The following TMEM87A variants were observed in gnomAD, a reference collection of about 807,000 sequenced individuals.
TMEM87A encodes the protein Golgi-pH regulating cation channel.
In TMEM87A, 50 loss-of-function variants were observed where a neutral mutation model predicts 90.0. That is an observed-to-expected ratio of 0.56 (90% CI 0.44 to 0.70). The LOEUF (loss-of-function observed/expected upper bound fraction) is 0.70, where lower values mean the gene tolerates loss of function less well. TMEM87A is among the 30% of genes least tolerant of loss of function. TMEM87A has a pLI of 0.00. For synonymous variants in TMEM87A, 226 were observed against 226.7 expected, an observed-to-expected ratio of 1.00 and a Z score of 0.03; for missense variants, 577 against 660.5, an observed-to-expected ratio of 0.87 and a Z score of 1.39.
chr15:42,242,914 G>A (rs1164880662), intron 7 of TMEM87A, among the ~76,000 whole-genome samples: 1 of 152,050 alleles, frequency 6.6e-6, no homozygotes, highest in Non-Finnish European at 1.5e-5. Context: ...AGTAAAGTCA[G>A]GAGCGAAGTA....
At chr15:42,223,104 C>A (rs2050524902) in intron 15 of TMEM87A, among the ~76,000 whole-genome samples, 1 of 152,118 alleles carries the variant, frequency 6.6e-6, no homozygotes, top group African/African-American at 2.4e-5. Context: ...GAAATTCCTA[C>A]AAATTGGGCC....
Position 42,241,747 on chromosome 15 carries a change from C to T in TMEM87A, c.623-2016G>A, listed in dbSNP as rs569349369. Among the ~76,000 whole-genome samples, 30 of 152,032 alleles carry T rather than the reference C, an allele frequency of 2.0e-4. 1 individual carries two copies. The East Asian group carries it at 3.5e-3, about 18-fold the overall frequency. On this transcript the variant is annotated intron_variant, in intron 7 of 19. Coordinates refer to ENST00000389834, the MANE Select transcript of TMEM87A (RefSeq NM_015497.5). ...TCACACCTGTAATCCCAGCACATTGCGAGGCCAAGGCGGGCAGATTACTTG... is the reference window on the plus strand; with the variant it reads ...TCACACCTGTAATCCCAGCACATTGTGAGGCCAAGGCGGGCAGATTACTTG...
rs980409884 is a variant in TMEM87A, at chr15:42,251,876, G to A, written c.505-7709C>T. Among the ~76,000 whole-genome samples the A allele has an allele frequency of 7.9e-4, 120 of 152,346 alleles. 1 individual carries two copies. The highest frequency in any genetic ancestry group is 2.7e-3 in the African/African-American group (112 of 41,596). ...GAGGTGGAGTCTACAGAGGCAGGCA[G>A]GCCTCACTGAGCTGTGGTGGGCTCC... On this transcript the variant is annotated intron_variant, in intron 6 of 19. Coordinates refer to ENST00000389834, the MANE Select transcript of TMEM87A (RefSeq NM_015497.5).
chr15:42,225,540 TTC>T (rs1324948101), intron 15 of TMEM87A, among the ~76,000 whole-genome samples: 5 of 152,192 alleles, frequency 3.3e-5, no homozygotes, highest in Admixed American at 1.3e-4. Flanking sequence ...CAATTATATC[TTC>T]TGTTTTCTTT....
chr15:42,215,369 C>A (rs1426963219), intron 19 of TMEM87A, among the ~76,000 whole-genome samples: 1 of 152,060 alleles, frequency 6.6e-6, no homozygotes, highest in Non-Finnish European at 1.5e-5. Context: ...GGCGTGGTGG[C>A]GGGCGCCTGT....
At chr15:42,236,734 T>G (rs1304213597) in intron 9 of TMEM87A, among the ~76,000 whole-genome samples, 5 of 152,184 alleles carry the variant, frequency 3.3e-5, no homozygotes, top group Non-Finnish European at 5.9e-5. Context: ...TCCCCCATTT[T>G]TAAAAACTGT....
intron 2 of TMEM87A, among the ~76,000 whole-genome samples, chr15:42,271,139 T>A (rs2051515404): frequency 1.3e-5 from 2 of 152,220 alleles, no homozygotes; most frequent in African/African-American, 2.4e-5. Context: ...AAGCTTTTAC[T>A]GAACACACAA....
At chr15:42,234,230 A>G (rs1238611872) in intron 10 of TMEM87A, among the ~76,000 whole-genome samples, 1 of 152,228 alleles carries the variant, frequency 6.6e-6, no homozygotes, top group Non-Finnish European at 1.5e-5. Context: ...AAGTCTTCTG[A>G]GCAACTTCTG....
At chr15:42,258,718 T>C (rs923650404) in intron 6 of TMEM87A, 6 of 1,337,292 alleles carry the variant, frequency 4.5e-6, no homozygotes, top group Non-Finnish European at 5.8e-6. Flanking sequence ...TGAGCCACTG[T>C]ACCCAGTCCT....
In TMEM87A at chr15:42,226,883, A is replaced by G; in HGVS notation, c.1326T>C (p.Asp442=). The G allele has an allele frequency of 1.2e-6, 2 of 1,614,138 alleles. No homozygotes were observed. The highest frequency in any genetic ancestry group is 1.7e-6 in the Non-Finnish European group (2 of 1,180,032). The part of the protein sequence containing the change: ...QSDWRELWVD[D]AIWRLLFSMI... Reference sequence around the variant, plus strand: ...TGGAGAACAGCAAGCGCCAGATGGCATCGTCTACCCACAGCTCCCGCCAGT... The same window carrying G: ...TGGAGAACAGCAAGCGCCAGATGGCGTCGTCTACCCACAGCTCCCGCCAGT... The change falls in exon 15 of 20, where the codon GAT becomes GAC. Residue 442 remains aspartate, a synonymous_variant. Coordinates refer to ENST00000389834, the MANE Select transcript of TMEM87A (RefSeq NM_015497.5).
Position 42,264,076 on chromosome 15 carries a change from C to T in TMEM87A, c.405+14G>A. ...TGCCTATTCTATTTATCTCCAATCACTTTCAAAGATTACCTGTGTTTTAAA... is the reference window on the plus strand; with the variant it reads ...TGCCTATTCTATTTATCTCCAATCATTTTCAAAGATTACCTGTGTTTTAAA... On this transcript the variant is annotated intron_variant, in intron 4 of 19. Coordinates refer to ENST00000389834, the MANE Select transcript of TMEM87A (RefSeq NM_015497.5). The T allele has an allele frequency of 6.2e-7, 1 of 1,601,270 alleles. No individual in the cohort carries two copies. Among genetic ancestry groups the T allele is most frequent in the Non-Finnish European group, 8.5e-7 (1 of 1,171,218 alleles).
chr15:42,238,805 T>C (rs192003666), intron 8 of TMEM87A, among the ~76,000 whole-genome samples: 4 of 150,466 alleles, frequency 2.7e-5, no homozygotes, highest in Admixed American at 2.0e-4. Context: ...TCTAAAATTA[T>C]ATAGATGAAG....
chr15:42,226,844 G>A lies in TMEM87A; in HGVS notation c.1365C>T (p.Val455=). The A allele has an allele frequency of 1.2e-6, 2 of 1,614,124 alleles. No individual in the cohort carries two copies. Among genetic ancestry groups the A allele is most frequent in the Non-Finnish European group, 1.7e-6 (2 of 1,180,032 alleles). The change falls in exon 15 of 20, where the codon GTC becomes GTT. Residue 455 remains valine, a synonymous_variant. Coordinates refer to ENST00000389834, the MANE Select transcript of TMEM87A (RefSeq NM_015497.5). ...CAGATGGTCGCCAGAGAACCATGAT[G>A]ACAAAGAGGATCATGGAGAACAGCA... ...WRLLFSMILF[V]IMVLWRPSAN...
At chr15:42,243,825 T>A (rs1012966054) in intron 7 of TMEM87A, among the ~76,000 whole-genome samples, 1 of 152,116 alleles carries the variant, frequency 6.6e-6, no homozygotes, top group Non-Finnish European at 1.5e-5. Context: ...CGGCCAATGT[T>A]AATTAATTTA....
intron 3 of TMEM87A, among the ~76,000 whole-genome samples, chr15:42,267,369 T>C (rs1439122616): frequency 6.6e-6 from 1 of 152,228 alleles, no homozygotes; most frequent in African/African-American, 2.4e-5. Context: ...CTTCCACTTG[T>C]TGAGTTTTGG....
intron 19 of TMEM87A, among the ~76,000 whole-genome samples, chr15:42,215,391 C>T (rs910026498): frequency 1.9e-4 from 29 of 152,200 alleles, no homozygotes; most frequent in African/African-American, 7.0e-4. Flanking sequence ...GTCCCAGCTA[C>T]TTGGGAGGCT....
chr15:42,257,347 C>T (rs1391750540), intron 6 of TMEM87A, among the ~76,000 whole-genome samples: 1 of 152,082 alleles, frequency 6.6e-6, no homozygotes, highest in Non-Finnish European at 1.5e-5. Context: ...CTCCTCCTCC[C>T]TCTTTCCTTC....
chr15:42,264,688 T>C (rs1046403803), intron 3 of TMEM87A, among the ~76,000 whole-genome samples: 30 of 21,136 alleles, frequency 1.4e-3, no homozygotes, highest in Admixed American at 0.012. Flanking sequence ...TGTGTGTATA[T>C]ATATATATAT....
intron 6 of TMEM87A, among the ~76,000 whole-genome samples, chr15:42,252,526 T>C (rs2051105588): frequency 6.6e-6 from 1 of 152,210 alleles, no homozygotes; most frequent in African/African-American, 2.4e-5. Flanking sequence ...TTGGTAAGTT[T>C]CTGGGCATTA....
Sources: gnomAD v4.1 joint callset for allele counts (sites outside exome capture counted in the v4.1 genomes callset) on GRCh38, gnomAD v4.1.1 for gene constraint, MANE v1.5 for transcripts, NCBI Gene and HGNC (gene_info 2026-07-23, HGNC 2026-07-21) for gene names.